The following RIPPLY2 variants were observed in gnomAD, a reference collection of about 807,000 sequenced individuals.
RIPPLY2 encodes ripply transcriptional repressor 2.
Under a neutral mutation model 17.7 loss-of-function variants are expected in RIPPLY2, and 20 were observed. That is an observed-to-expected ratio of 1.13 (90% CI 0.79 to 1.64). The LOEUF (loss-of-function observed/expected upper bound fraction) is 1.64, where lower values mean the gene tolerates loss of function less well. RIPPLY2 is among the 40% of genes most tolerant of loss of function. RIPPLY2 has a pLI of 0.00. For missense variants in RIPPLY2, 213 were observed against 169.8 expected (o/e 1.25, Z -1.41); for synonymous variants, 69 against 63.9 (o/e 1.08, Z -0.38).
intron 3 of RIPPLY2, chr6:83,855,310 TAGTC>T (rs1167564728): frequency 6.6e-6 from 1 of 152,212 alleles, no homozygotes; most frequent in African/African-American, 2.4e-5. Flanking sequence ...TAAATAGGCT[TAGTC>T]AGGGCATCAA....
Position 83,853,467 on chromosome 6 carries a change from C to G in RIPPLY2, c.51C>G (p.Cys17Trp), listed in dbSNP as rs2099454510. 2 of 1,541,534 alleles carry G rather than the reference C, an allele frequency of 1.3e-6. No homozygotes were observed. Among genetic ancestry groups the G allele is most frequent in the East Asian group, 4.9e-5 (2 of 40,800 alleles). The change falls in exon 1 of 4, where the codon TGC (cysteine) becomes TGG (tryptophan). Residue 17 changes from cysteine (C) to tryptophan (W), a missense_variant. Physicochemically the swap from Cys to Trp is radical, Grantham distance 215 (BLOSUM62 -2). Coordinates refer to ENST00000369689, the MANE Select transcript of RIPPLY2 (RefSeq NM_001009994.3). Reference protein sequence around the residue: ...AEGTESGAAACAATDGPTRRA... With the variant: ...AEGTESGAAAWAATDGPTRRA... ...GTACAGAGAGTGGAGCTGCGGCGTG[C>G]GCGGCCACCGACGGCCCTACGCGGC...
chr6:83,853,824 G>T, intron 2 of RIPPLY2, 51 bp downstream of exon 2: 1 of 1,511,298 alleles, frequency 6.6e-7, no homozygotes, highest in South Asian at 1.1e-5. Context: ...GCAGAAGATC[G>T]ACCAGGGCTC....
intron 2 of RIPPLY2, 145 bp from the exon 3 acceptor site, chr6:83,853,952 G>A: frequency 2.0e-6 from 2 of 1,005,878 alleles, no homozygotes; most frequent in Non-Finnish European, 3.1e-6. Flanking sequence ...CTGGAGCGAT[G>A]GGCCACAGGC....
At chr6:83,854,851 T>A (rs2099454761) in intron 3 of RIPPLY2, 1 of 152,292 alleles carries the variant, frequency 6.6e-6, no homozygotes. Flanking sequence ...AGTCATTACA[T>A]CTAATTTCCT....
chr6:83,855,549 G>T (rs2099454865), intron 3 of RIPPLY2: 2 of 152,218 alleles, frequency 1.3e-5, no homozygotes, highest in Non-Finnish European at 2.9e-5. Flanking sequence ...CTAAAAGAAT[G>T]TAAATTAGGG....
chr6:83,853,404 G>C lies in RIPPLY2; in HGVS notation c.-13G>C. The stretch of plus-strand genomic sequence containing the variant: ...CGAGCTGGCAGCGGCCTTCCGCCCA[G>C]CTCTGCGGCGTCATGGAGAACGCGG... On this transcript the variant is annotated 5_prime_UTR_variant, in exon 1 of 4. Transcript: ENST00000369689. 1 of 1,541,576 alleles carries C rather than the reference G, an allele frequency of 6.5e-7. No individual in the cohort carries two copies. The highest frequency in any genetic ancestry group is 2.0e-5 in the Admixed American group (1 of 50,838).
upstream of RIPPLY2, chr6:83,853,275 AG>A (rs2099454459): frequency 3.1e-6 from 2 of 641,614 alleles, no homozygotes; most frequent in Admixed American, 6.8e-5. Context: ...TGCGGCTAGC[AG>A]GGAGAGGGGC....
At chr6:83,856,634 A>C (rs1325472) in intron 3 of RIPPLY2, 1 of 152,162 alleles carries the variant, frequency 6.6e-6, no homozygotes, top group Non-Finnish European at 1.5e-5. Flanking sequence ...AGGCACATAG[A>C]ATCAAAGTTG....
intron 3 of RIPPLY2, chr6:83,856,329 C>G (rs1321273943): frequency 6.6e-6 from 1 of 152,006 alleles, no homozygotes; most frequent in East Asian, 1.9e-4. Flanking sequence ...GTTTTTCTGC[C>G]TTTTAAAGTG....
At chr6:83,853,895 C>A in intron 2 of RIPPLY2, 122 bp downstream of exon 2, 1 of 1,051,488 alleles carries the variant, frequency 9.5e-7, no homozygotes, top group African/African-American at 1.6e-5. Flanking sequence ...CGCTTAACAT[C>A]CCGCCTGCCG....
chr6:83,854,017 C>G, intron 2 of RIPPLY2, 80 bp from the exon 3 acceptor site: 1 of 1,368,830 alleles, frequency 7.3e-7, no homozygotes, highest in Non-Finnish European at 1.0e-6. Context: ...CCAGCGGGCA[C>G]GAGGAACACT....
At chr6:83,854,462 T>G in intron 3 of RIPPLY2, 1 of 426,464 alleles carries the variant, frequency 2.3e-6, no homozygotes, top group Non-Finnish European at 4.3e-6. Flanking sequence ...ACAGTTTTTA[T>G]TTTTAAATCC....
chr6:83,854,027 T>C, intron 2 of RIPPLY2, 70 bp from the exon 3 acceptor site: 2 of 1,431,118 alleles, frequency 1.4e-6, no homozygotes, highest in Non-Finnish European at 2.0e-6. Flanking sequence ...CGAGGAACAC[T>C]GGGTCGTGCA....
At chr6:83,854,499 G>C in intron 3 of RIPPLY2, 1 of 321,388 alleles carries the variant, frequency 3.1e-6, no homozygotes. Context: ...AATTGACTTC[G>C]CATCAGGCAG....
intron 2 of RIPPLY2, 65 bp from the exon 3 acceptor site, chr6:83,854,032 C>A: frequency 6.9e-7 from 1 of 1,440,912 alleles, no homozygotes; most frequent in South Asian, 1.1e-5. Context: ...AACACTGGGT[C>A]GTGCACGTTT....
At position 83,854,242 on chromosome 6, in the gene RIPPLY2, C is replaced by A. The variant is rs1344531172; in HGVS notation, c.239+81C>A. The A allele has an allele frequency of 2.9e-5, 32 of 1,105,176 alleles. No homozygotes were observed. The East Asian group carries it at 7.0e-4, about 24-fold the overall frequency. The allele number at this position is 1,105,176 out of a possible 1,614,324, so 68.5% of individuals were successfully genotyped here. On this transcript the variant is annotated intron_variant, in intron 3 of 3. Coordinates refer to ENST00000369689, the MANE Select transcript of RIPPLY2 (RefSeq NM_001009994.3). The stretch of plus-strand genomic sequence containing the variant: ...AGGGGCATCGCGCAGCCCAGCTCCG[C>A]AGCTGGTCCTGCAGTCTCTCTCTCT...
upstream of RIPPLY2, chr6:83,853,324 G>A: frequency 4.1e-6 from 4 of 978,228 alleles, no homozygotes; most frequent in South Asian, 6.2e-5. Flanking sequence ...AGCAGGCCGC[G>A]AGGGCTATAT....
chr6:83,856,254 T>G (rs149528117), intron 3 of RIPPLY2: 2 of 152,326 alleles, frequency 1.3e-5, no homozygotes, highest in African/African-American at 4.8e-5. Context: ...GTTACTTGTT[T>G]AAGCATCAAA....
chr6:83,855,781 AG>A (rs1391398349), intron 3 of RIPPLY2: 1 of 152,162 alleles, frequency 6.6e-6, no homozygotes, highest in African/African-American at 2.4e-5. Flanking sequence ...GTTTGTTTAG[AG>A]GGAGGGCTGA....
Sources: allele counts gnomAD v4.1 joint callset, GRCh38; gene constraint gnomAD v4.1.1; transcripts MANE v1.5; gene names NCBI Gene and HGNC (gene_info 2026-07-23, HGNC 2026-07-21).